FIRRM: variants seen among roughly 807,000 people sequenced by gnomAD.
FIRRM encodes the protein FIGNL1-interacting regulator of recombination and mitosis.
the FIRRM span, among the ~76,000 whole-genome samples, chr1:169,835,499 T>C: frequency 1.3e-5 from 2 of 152,344 alleles, no homozygotes; most frequent in South Asian, 4.1e-4. Context: ...AAAATTACTG[T>C]ATTTGCATTT....
chr1:169,808,354 A>C, the FIRRM span, among the ~76,000 whole-genome samples: 1 of 152,168 alleles, frequency 6.6e-6, no homozygotes, highest in South Asian at 2.1e-4. Flanking sequence ...TGTATGTATC[A>C]GTCTTTTAAA....
the FIRRM span, among the ~76,000 whole-genome samples, chr1:169,825,610 CTA>C: frequency 8.5e-5 from 13 of 152,294 alleles, no homozygotes; most frequent in African/African-American, 3.1e-4. Flanking sequence ...AATTTCATTA[CTA>C]TGTTTTATTT....
chr1:169,810,833 A>AGTTT, the FIRRM span, among the ~76,000 whole-genome samples: 1 of 102,808 alleles, frequency 9.7e-6, no homozygotes, highest in East Asian at 3.6e-4. Flanking sequence ...TTTAGCCCCC[A>AGTTT]ATTTTTTTTT....
At chr1:169,823,638 C>A in the FIRRM span, among the ~76,000 whole-genome samples, 1 of 152,158 alleles carries the variant, frequency 6.6e-6, no homozygotes, top group Non-Finnish European at 1.5e-5. Flanking sequence ...TTGAAAGATA[C>A]ATTCCACATG....
chr1:169,797,869 C>T, the FIRRM span, among the ~76,000 whole-genome samples: 1 of 152,146 alleles, frequency 6.6e-6, no homozygotes, highest in African/African-American at 2.4e-5. Context: ...TATTAACATT[C>T]TTTGATGATT....
chr1:169,819,059 G>T, the FIRRM span, among the ~76,000 whole-genome samples: 1 of 152,136 alleles, frequency 6.6e-6, no homozygotes, highest in Non-Finnish European at 1.5e-5. Context: ...GAAAGCATGC[G>T]GTTTCTACAG....
At chr1:169,840,082 A>G in the FIRRM span, among the ~76,000 whole-genome samples, 1 of 151,936 alleles carries the variant, frequency 6.6e-6, no homozygotes, top group African/African-American at 2.4e-5. Flanking sequence ...TCATTGATCC[A>G]TTTCTGTTTT....
chr1:169,842,046 T>C, the FIRRM span, among the ~76,000 whole-genome samples: 1 of 151,798 alleles, frequency 6.6e-6, no homozygotes, highest in East Asian at 1.9e-4. Flanking sequence ...TGTGGTGGTA[T>C]GTGCCTGTAG....
chr1:169,806,578 AG>A, the FIRRM span, among the ~76,000 whole-genome samples: 1 of 152,226 alleles, frequency 6.6e-6, no homozygotes, highest in South Asian at 2.1e-4. Context: ...TCAGATTCTT[AG>A]GGGTGAGAGG....
chr1:169,842,297 A>G, the FIRRM span: 1 of 901,738 alleles, frequency 1.1e-6, no homozygotes, highest in South Asian at 3.2e-5. Flanking sequence ...TAGAAATATT[A>G]TTCTACATGG....
At chr1:169,803,966 T>C in the FIRRM span, 1 of 604,698 alleles carries the variant, frequency 1.7e-6, no homozygotes, top group African/African-American at 1.9e-5. Context: ...AAACAATGAA[T>C]GAATATGTGA....
chr1:169,806,901 CTG>C, the FIRRM span, among the ~76,000 whole-genome samples: 1 of 152,224 alleles, frequency 6.6e-6, no homozygotes, highest in Admixed American at 6.5e-5. Flanking sequence ...GAGTTCATCA[CTG>C]TGAAATGCTT....
At chr1:169,830,341 G>A in the FIRRM span, 27 of 1,612,436 alleles carry the variant, frequency 1.7e-5, no homozygotes, top group South Asian at 1.1e-5. Context: ...TTCCTTGCTC[G>A]GTACAACATA....
the FIRRM span, chr1:169,821,576 T>G: frequency 1.5e-5 from 12 of 800,636 alleles, no homozygotes; most frequent in Non-Finnish European, 2.0e-5. Context: ...AGAGGGGTTT[T>G]TTTTGTTTTT....
chr1:169,843,730 A>G, the FIRRM span: 1 of 1,612,076 alleles, frequency 6.2e-7, no homozygotes, highest in African/African-American at 1.3e-5. Flanking sequence ...CACTGTTGGG[A>G]TTTTTCATTC....
the FIRRM span, among the ~76,000 whole-genome samples, chr1:169,813,250 G>T: frequency 1.4e-4 from 21 of 152,286 alleles, no homozygotes; most frequent in African/African-American, 4.8e-4. Flanking sequence ...CAATAATCCT[G>T]TATTAGCCTC....
the FIRRM span, among the ~76,000 whole-genome samples, chr1:169,821,176 T>G: frequency 6.6e-6 from 1 of 152,180 alleles, no homozygotes; most frequent in Non-Finnish European, 1.5e-5. Context: ...CAAATAACCC[T>G]CAAACCTCCC....
chr1:169,819,861 C>A, the FIRRM span, among the ~76,000 whole-genome samples: 1 of 152,102 alleles, frequency 6.6e-6, no homozygotes, highest in African/African-American at 2.4e-5. Flanking sequence ...CCAGAAAGTA[C>A]TCATTGCCTT....
At chr1:169,801,944 C>A in the FIRRM span, among the ~76,000 whole-genome samples, 4 of 152,116 alleles carry the variant, frequency 2.6e-5, no homozygotes, top group Non-Finnish European at 5.9e-5. Flanking sequence ...TCAACTGTTA[C>A]ATAGATGAAA....
Sources: gnomAD v4.1 joint callset for allele counts (sites outside exome capture counted in the v4.1 genomes callset) on GRCh38, gnomAD v4.1.1 for gene constraint, MANE v1.5 for transcripts, NCBI Gene and HGNC (gene_info 2026-07-23, HGNC 2026-07-21) for gene names.